Variants in AQR observed in about 807,000 individuals in gnomAD.
AQR encodes RNA helicase aquarius.
In AQR, 61 loss-of-function variants were observed where a neutral mutation model predicts 180.5. The observed-to-expected ratio is 0.34, with a 90% CI of 0.28 to 0.42. AQR has a LOEUF of 0.42. AQR is among the 10% of genes least tolerant of loss of function. The pLI is 1.00. For synonymous variants in AQR, 551 were observed against 588.8 expected, an observed-to-expected ratio of 0.94 and a Z score of 0.93; for missense variants, 1,281 against 1,798.3, an observed-to-expected ratio of 0.71 and a Z score of 5.20.
Position 34,956,696 on chromosome 15 carries a change from G to GAAAAAAAAAAAAAAA in AQR, c.174-3791_174-3777dup, listed in dbSNP as rs565202160. On this transcript the variant is annotated intron_variant, in intron 3 of 34. Coordinates refer to ENST00000156471, the MANE Select transcript of AQR (RefSeq NM_014691.3). ...GAACAGAATATTCAGTAAGAAGTCA[G>GAAAAAAAAAAAAAAA]AAAAAAAAAAAAAAAAAAAAGAACC... Among the ~76,000 whole-genome samples the GAAAAAAAAAAAAAAA allele has an allele frequency of 4.9e-4, 41 of 83,332 alleles. 1 individual carries two copies. Among genetic ancestry groups the GAAAAAAAAAAAAAAA allele is most frequent in the Non-Finnish European group, 7.4e-4 (34 of 45,896 alleles). The allele number at this position is 83,332 out of a possible 152,430, so 54.7% of individuals were successfully genotyped here.
intron 16 of AQR, among the ~76,000 whole-genome samples, chr15:34,912,100 A>T (rs1484360839): frequency 6.6e-6 from 1 of 152,030 alleles, no homozygotes; most frequent in East Asian, 1.9e-4. Flanking sequence ...GTGTGGGTTT[A>T]CTTCTGGGCT....
rs138193005 is a variant in AQR, at chr15:34,945,995, G to C, written c.331-1567C>G. Among the ~76,000 whole-genome samples, 420 of 152,306 alleles carry C rather than the reference G, an allele frequency of 2.8e-3. 1 individual carries two copies. The highest frequency in any genetic ancestry group is 9.6e-3 in the African/African-American group (398 of 41,566). ...ATCAAGGACAAAAAGAACAGGCCAGGCACAGTGACTCATGCCTGTAATCCC... is the reference window on the plus strand; with the variant it reads ...ATCAAGGACAAAAAGAACAGGCCAGCCACAGTGACTCATGCCTGTAATCCC... On this transcript the variant is annotated intron_variant, in intron 5 of 34. Transcript: ENST00000156471.
chr15:34,911,984 T>A (rs1404227048), intron 16 of AQR, among the ~76,000 whole-genome samples: 2 of 152,154 alleles, frequency 1.3e-5, no homozygotes, highest in Non-Finnish European at 2.9e-5. Context: ...AATATAGGGA[T>A]CCTATTTCAT....
chr15:34,861,081 T>C (rs936914386), intron 33 of AQR, among the ~76,000 whole-genome samples: 9 of 152,188 alleles, frequency 5.9e-5, no homozygotes, highest in Non-Finnish European at 1.2e-4. Context: ...TTTCTTATGA[T>C]AGGAACAATT....
intron 23 of AQR, among the ~76,000 whole-genome samples, chr15:34,892,826 T>C (rs1368532246): frequency 6.6e-6 from 1 of 152,236 alleles, no homozygotes; most frequent in Non-Finnish European, 1.5e-5. Flanking sequence ...ATATAATTTA[T>C]TGAATAGCGA....
chr15:34,882,830 A>T (rs992092799), intron 26 of AQR, among the ~76,000 whole-genome samples, 191 bp from the exon 27 acceptor site: 1 of 152,232 alleles, frequency 6.6e-6, no homozygotes. Flanking sequence ...TATAAAAGTT[A>T]TAATTCAAAC....
chr15:34,914,250 T>G (rs1459105072), intron 16 of AQR, among the ~76,000 whole-genome samples: 1 of 152,198 alleles, frequency 6.6e-6, no homozygotes, highest in Non-Finnish European at 1.5e-5. Context: ...TTGATGAAAT[T>G]GTGAATGAAA....
chr15:34,954,107 G>T (rs561878182), intron 3 of AQR, among the ~76,000 whole-genome samples: 1 of 152,048 alleles, frequency 6.6e-6, no homozygotes, highest in East Asian at 1.9e-4. Flanking sequence ...GTAGAGATAG[G>T]GGTTTCCCCA....
intron 14 of AQR, among the ~76,000 whole-genome samples, chr15:34,918,883 T>C (rs1348489028): frequency 6.6e-6 from 1 of 152,204 alleles, no homozygotes. Flanking sequence ...CTTCTCACTC[T>C]ATGTTCCTTT....
intron 27 of AQR, among the ~76,000 whole-genome samples, chr15:34,877,028 T>C (rs999601530): frequency 2.0e-5 from 3 of 152,242 alleles, no homozygotes; most frequent in African/African-American, 4.8e-5. Context: ...TAATTATATC[T>C]GTATATTTAC....
chr15:34,856,243 G>A lies in AQR; in HGVS notation c.*549C>T, dbSNP rs796215729. 34 of 260,482 alleles carry A rather than the reference G, an allele frequency of 1.3e-4. No individual in the cohort carries two copies. The highest frequency in any genetic ancestry group is 7.0e-4 in the African/African-American group (32 of 45,744). 16.1% of individuals were successfully genotyped at this position (260,482 alleles called of 1,614,324 possible). A position where few individuals can be genotyped will look rare whatever the true frequency, so the allele number is the denominator to read the frequency against. On this transcript the variant is annotated 3_prime_UTR_variant, in exon 35 of 35. Transcript: ENST00000156471. ...AAACAGACATCTTAGGTGATTCTAAGGCATTCTAAGATTTGAGAGAAGGAA... is the reference window on the plus strand; with the variant it reads ...AAACAGACATCTTAGGTGATTCTAAAGCATTCTAAGATTTGAGAGAAGGAA...
At chr15:34,904,109 G>C (rs1041160726) in intron 19 of AQR, among the ~76,000 whole-genome samples, 2 of 151,942 alleles carry the variant, frequency 1.3e-5, no homozygotes, top group Non-Finnish European at 2.9e-5. Flanking sequence ...TATATTTTAA[G>C]TTTTTAAACT....
At position 34,957,725 on chromosome 15, in the gene AQR, AAATAATAAT is replaced by A. The variant is rs947959924; in HGVS notation, c.173+3040_173+3048del. ...TCAAAAAAACATAAAAAAAACATAAAAATAATAATAATAATAATAATAAAACAAAAAACA... is the reference window on the plus strand; with the variant it reads ...TCAAAAAAACATAAAAAAAACATAAAAATAATAATAATAAAACAAAAAACA... On this transcript the variant is annotated intron_variant, in intron 3 of 34. Coordinates refer to ENST00000156471, the MANE Select transcript of AQR (RefSeq NM_014691.3). 3.2e-4 allele frequency among the ~76,000 whole-genome samples: 34 copies of A among 104,720 alleles called. No individual in the cohort carries two copies. The East Asian group carries it at 8.2e-3, about 25-fold the overall frequency. 68.7% of individuals were successfully genotyped at this position (104,720 alleles called of 152,430 possible). A position where few individuals can be genotyped will look rare whatever the true frequency, so the allele number is the denominator to read the frequency against.
At chr15:34,955,585 T>G (rs1186413283) in intron 3 of AQR, among the ~76,000 whole-genome samples, 1 of 152,100 alleles carries the variant, frequency 6.6e-6, no homozygotes, top group Non-Finnish European at 1.5e-5. Flanking sequence ...AGCAGATGAT[T>G]AAAACAACAA....
chr15:34,942,258 T>C (rs1894034642), intron 6 of AQR, among the ~76,000 whole-genome samples, 178 bp from the exon 7 acceptor site: 1 of 152,108 alleles, frequency 6.6e-6, no homozygotes, highest in African/African-American at 2.4e-5. Flanking sequence ...ATCCTTATTA[T>C]CTACAGATTT....
rs1018904457 is a variant in AQR at position 34,962,193 on chromosome 15, T to G, written c.133-1379A>C. The stretch of plus-strand genomic sequence containing the variant: ...TACACCACCATACCCACCTAATTTT[T>G]TGTATTTTTGGTAGAGATGGGGTTT... On this transcript the variant is annotated intron_variant, in intron 2 of 34. Coordinates refer to ENST00000156471, the MANE Select transcript of AQR (RefSeq NM_014691.3). Among the ~76,000 whole-genome samples, 13 of 152,018 alleles carry G rather than the reference T, an allele frequency of 8.6e-5. 3 individuals carry two copies. The highest frequency in any genetic ancestry group is 2.6e-4 in the Admixed American group (4 of 15,266).
At chr15:34,880,692 C>T (rs1043500759) in intron 27 of AQR, among the ~76,000 whole-genome samples, 2 of 152,006 alleles carry the variant, frequency 1.3e-5, no homozygotes, top group Non-Finnish European at 2.9e-5. Context: ...TACGACATAA[C>T]TATATTGGGA....
In AQR at chr15:34,964,258, C is replaced by T; in HGVS notation, c.108G>A (p.Lys36=). 6.2e-7 allele frequency: 1 copy of T among 1,608,232 alleles called. No homozygotes were observed. The highest frequency in any genetic ancestry group is 8.5e-7 in the Non-Finnish European group (1 of 1,175,924). Residue 36 remains lysine, a synonymous_variant, in exon 2 of 35, where the codon AAG becomes AAA. Coordinates refer to ENST00000156471, the MANE Select transcript of AQR (RefSeq NM_014691.3). Reference sequence around the variant, plus strand: ...CCTTTATATCAAAAGGTGATTTCTTCTTGATGTGGGGAGCCCAGTATTTAC... The same window carrying T: ...CCTTTATATCAAAAGGTGATTTCTTTTTGATGTGGGGAGCCCAGTATTTAC... ...LACKYWAPHI[K]KKSPFDIKVI... is the part of the protein sequence containing the mutation.
intron 9 of AQR, among the ~76,000 whole-genome samples, chr15:34,938,522 C>T (rs1365769892): frequency 6.6e-6 from 1 of 151,932 alleles, no homozygotes; most frequent in Admixed American, 6.6e-5. Flanking sequence ...GACAGAGCAA[C>T]ACTCTGTCTC....
Sources: gnomAD v4.1 joint callset for allele counts (sites outside exome capture counted in the v4.1 genomes callset) on GRCh38, gnomAD v4.1.1 for gene constraint, MANE v1.5 for transcripts, NCBI Gene and HGNC (gene_info 2026-07-23, HGNC 2026-07-21) for gene names.